Variants in ZNF670 observed in about 807,000 individuals in gnomAD.
The protein encoded by ZNF670 is zinc finger protein 670.
ZNF670 carries 7 observed loss-of-function variants against 10.9 expected under a neutral mutation model. That is an observed-to-expected ratio of 0.64 (90% CI 0.36 to 1.20). The LOEUF (loss-of-function observed/expected upper bound fraction) is 1.20. ZNF670 is among the 50% of genes most tolerant of loss of function. ZNF670 has a pLI of 0.02. For missense variants in ZNF670, 446 were observed against 458.6 expected (o/e 0.97, Z 0.25); for synonymous variants, 136 against 152.7 (o/e 0.89, Z 0.81).
intron 1 of ZNF670, among the ~76,000 whole-genome samples, 166 bp downstream of exon 1, chr1:247,078,428 G>A (rs1026512518): frequency 6.6e-6 from 1 of 152,202 alleles, no homozygotes; most frequent in African/African-American, 2.4e-5. Flanking sequence ...GACAAGCCAG[G>A]CGGCCCGGGG....
In ZNF670 at chr1:247,038,924, T is replaced by C. The variant is rs148260571; in HGVS notation, c.131-54A>G. 3.1e-4 allele frequency: 468 copies of C among 1,486,860 alleles called. 2 individuals are homozygous for C. The Middle Eastern group carries it at 4.3e-3, about 14-fold the overall frequency. The allele number at this position is 1,486,860 out of a possible 1,614,324, so 92.1% of individuals were successfully genotyped here. ...AATGATTAGAAACTTTAAAAATTGC[T>C]AGATTCAAGGTTCACTATACACTGT... On this transcript the variant is annotated intron_variant, in intron 2 of 3. Coordinates refer to ENST00000366503, the MANE Select transcript of ZNF670 (RefSeq NM_033213.5).
intron 1 of ZNF670, among the ~76,000 whole-genome samples, chr1:247,045,438 G>A (rs1237918459): frequency 3.3e-5 from 5 of 152,138 alleles, no homozygotes; most frequent in Non-Finnish European, 7.3e-5. Context: ...TCACAGGAGA[G>A]CCGGGTATTT....
intron 1 of ZNF670, among the ~76,000 whole-genome samples, chr1:247,058,677 G>T (rs1217819931): frequency 6.9e-6 from 1 of 143,974 alleles, no homozygotes; most frequent in Non-Finnish European, 1.5e-5. Context: ...AATAAAAGAG[G>T]TTCCATCATT....
intron 1 of ZNF670, among the ~76,000 whole-genome samples, chr1:247,063,296 AG>A (rs762775740): frequency 4.6e-5 from 7 of 152,156 alleles, no homozygotes; most frequent in South Asian, 2.1e-4. Context: ...ACTGAAGGCC[AG>A]GCGCGGTGGC....
rs1491144904 is a variant in ZNF670 at position 247,072,798 on chromosome 1, G to GTATATATATA, written c.3+5795_3+5796insTATATATATA. Among the ~76,000 whole-genome samples, 50 of 18,986 alleles carry GTATATATATA rather than the reference G, an allele frequency of 2.6e-3. 1 individual carries two copies. The highest frequency in any genetic ancestry group is 0.029 in the Middle Eastern group (1 of 34). The allele number at this position is 18,986 out of a possible 152,430, so 12.5% of individuals were successfully genotyped here. ...ACGAAACTCTGTCTCAAAAAAAAAA[G>GTATATATATA]TGTGTGTATATATATATATATATAT... On this transcript the variant is annotated intron_variant, in intron 1 of 3. Coordinates refer to ENST00000366503, the MANE Select transcript of ZNF670 (RefSeq NM_033213.5).
At chr1:247,071,177 TC>T (rs1553323243) in intron 1 of ZNF670, among the ~76,000 whole-genome samples, 1 of 152,212 alleles carries the variant, frequency 6.6e-6, no homozygotes, top group Non-Finnish European at 1.5e-5. Flanking sequence ...ATGTGTATAT[TC>T]ACTGCAGCAC....
At chr1:247,042,224 A>G (rs1016129420) in intron 1 of ZNF670, among the ~76,000 whole-genome samples, 1 of 152,254 alleles carries the variant, frequency 6.6e-6, no homozygotes, top group African/African-American at 2.4e-5. Flanking sequence ...TAAATTGAGC[A>G]GCACAGCTCA....
At chr1:247,066,026 G>A (rs1038548050) in intron 1 of ZNF670, among the ~76,000 whole-genome samples, 8 of 152,078 alleles carry the variant, frequency 5.3e-5, no homozygotes, top group African/African-American at 1.7e-4. Context: ...GGTGAATAGG[G>A]GCACCCACAG....
intron 1 of ZNF670, among the ~76,000 whole-genome samples, chr1:247,040,972 A>T (rs1194209435): frequency 6.6e-6 from 1 of 152,148 alleles, no homozygotes; most frequent in African/African-American, 2.4e-5. Flanking sequence ...TGGGCTTACA[A>T]GCCACTGTGC....
In ZNF670 at chr1:247,037,882, G is replaced by C. The variant is rs766800445; in HGVS notation, c.737C>G (p.Ser246Cys). ...FSSSLRQHER[S>C]HTGEKPYECK... ...TTCATAGGGTTTCTCTCCAGTATGA[G>C]ATCTTTCATGTTGGCGAAGAGAACT... The change falls in exon 4 of 4, where the codon TCT becomes TGT. Residue 246 changes from serine to cysteine, a missense_variant. Physicochemically the swap from Ser to Cys is moderately radical, Grantham distance 112. Transcript: ENST00000366503. 6 of 1,613,840 alleles carry C rather than the reference G, an allele frequency of 3.7e-6. No homozygotes were observed. The African/African-American group carries it at 8.0e-5, about 22-fold the overall frequency.
chr1:247,060,674 C>T (rs570201930), intron 1 of ZNF670, among the ~76,000 whole-genome samples: 12 of 152,088 alleles, frequency 7.9e-5, no homozygotes, highest in Admixed American at 5.2e-4. Flanking sequence ...AAATAAAGTC[C>T]ATTAAATAAA....
In ZNF670 at chr1:247,046,458, G is replaced by A. The variant is rs1670450482; in HGVS notation, c.4-6921C>T. ...GCTAAAAAGGCACCATATACCACTT[G>A]GGCCACGGTTCCAGAGGGCACAAGC... On this transcript the variant is annotated intron_variant, in intron 1 of 3. Coordinates refer to ENST00000366503, the MANE Select transcript of ZNF670 (RefSeq NM_033213.5). Among the ~76,000 whole-genome samples, 7 of 152,186 alleles carry A rather than the reference G, an allele frequency of 4.6e-5. No individual in the cohort carries two copies. The South Asian group carries it at 1.4e-3, about 31-fold the overall frequency.
intron 1 of ZNF670, among the ~76,000 whole-genome samples, chr1:247,049,123 G>T (rs1359486457): frequency 7.1e-6 from 1 of 141,110 alleles, no homozygotes; most frequent in Non-Finnish European, 1.5e-5. Context: ...TTTTGAGATG[G>T]AGTCTCACTC....
intron 1 of ZNF670, chr1:247,043,472 G>T (rs992537754): frequency 4.6e-6 from 3 of 649,526 alleles, no homozygotes; most frequent in Non-Finnish European, 8.2e-6. Flanking sequence ...ATATGCCTTG[G>T]TTAATCAAGA....
At chr1:247,042,641 G>A (rs1043564001) in intron 1 of ZNF670, 10 of 253,028 alleles carry the variant, frequency 4.0e-5, no homozygotes, top group African/African-American at 2.2e-4. Flanking sequence ...ATCCTGATGT[G>A]ACGTCAGAAG....
intron 1 of ZNF670, among the ~76,000 whole-genome samples, chr1:247,063,329 T>A (rs189920350): frequency 1.2e-3 from 190 of 152,018 alleles, no homozygotes; most frequent in East Asian, 7.7e-3. Flanking sequence ...ATCCCAGCAC[T>A]TTGGGAGGCT....
chr1:247,051,168 C>A (rs7551896), intron 1 of ZNF670, among the ~76,000 whole-genome samples: 2 of 150,694 alleles, frequency 1.3e-5, no homozygotes, highest in Admixed American at 6.6e-5. Context: ...ATTAGCCGGG[C>A]GTGGTGGCAA....
At chr1:247,059,947 A>G (rs1481082685) in intron 1 of ZNF670, among the ~76,000 whole-genome samples, 1 of 152,204 alleles carries the variant, frequency 6.6e-6, no homozygotes, top group Admixed American at 6.5e-5. Context: ...TGACAAAACT[A>G]TGCAAAACTA....
intron 1 of ZNF670, among the ~76,000 whole-genome samples, chr1:247,077,970 A>C (rs575954255): frequency 9.2e-5 from 14 of 152,338 alleles, no homozygotes; most frequent in African/African-American, 3.4e-4. Flanking sequence ...CTTAAAGGGA[A>C]ACAAAACAGC....
Sources: allele counts gnomAD v4.1 joint callset (sites outside exome capture counted in the v4.1 genomes callset), GRCh38; gene constraint gnomAD v4.1.1; transcripts MANE v1.5; gene names NCBI Gene and HGNC (gene_info 2026-07-23, HGNC 2026-07-21).